The following CWC27 variants were observed in gnomAD, a reference collection of about 807,000 sequenced individuals.
The protein encoded by CWC27 is spliceosome-associated protein CWC27 homolog.
CWC27 carries 47 observed loss-of-function variants against 63.6 expected under a neutral mutation model. That is an observed-to-expected ratio of 0.74 (90% CI 0.58 to 0.94). The LOEUF is 0.94. CWC27 is among the 40% of genes least tolerant of loss of function. CWC27 has a pLI of 0.00. For synonymous variants in CWC27, 175 were observed against 179.8 expected, an observed-to-expected ratio of 0.97 and a Z score of 0.22; for missense variants, 495 against 554.3, an observed-to-expected ratio of 0.89 and a Z score of 1.07.
chr5:64,792,573 A>G (rs1248357503), intron 7 of CWC27, among the ~76,000 whole-genome samples: 1 of 152,126 alleles, frequency 6.6e-6, no homozygotes, highest in Non-Finnish European at 1.5e-5. Context: ...TTCTTGTAAT[A>G]CTGTACATTT....
At chr5:64,999,403 T>C (rs1255889650) in intron 13 of CWC27, among the ~76,000 whole-genome samples, 1 of 152,086 alleles carries the variant, frequency 6.6e-6, no homozygotes, top group African/African-American at 2.4e-5. Context: ...TTTTTAACCA[T>C]AGTCACCCTA....
At chr5:64,967,490 CAA>C (rs956308766) in intron 11 of CWC27, among the ~76,000 whole-genome samples, 8 of 151,946 alleles carry the variant, frequency 5.3e-5, no homozygotes, top group Admixed American at 1.3e-4. Context: ...AAAAAGAAGA[CAA>C]AGTTAGAGGG....
chr5:64,852,844 T>A (rs968996957), intron 10 of CWC27, among the ~76,000 whole-genome samples: 1 of 151,704 alleles, frequency 6.6e-6, no homozygotes, highest in Non-Finnish European at 1.5e-5. Flanking sequence ...AACCCAAACA[T>A]AAATAATTTG....
chr5:64,863,407 G>A (rs1214093751), intron 10 of CWC27, among the ~76,000 whole-genome samples: 2 of 151,476 alleles, frequency 1.3e-5, no homozygotes, highest in East Asian at 1.9e-4. Context: ...CTCCTCCTCT[G>A]TTCTCCCCTA....
chr5:64,786,705 G>A (rs889148423), intron 6 of CWC27, 78 bp downstream of exon 6: 1 of 861,892 alleles, frequency 1.2e-6, no homozygotes. Context: ...TCCTTTTATA[G>A]TAATTGTTTA....
chr5:64,933,924 A>T (rs1748292020), intron 11 of CWC27, among the ~76,000 whole-genome samples: 1 of 152,220 alleles, frequency 6.6e-6, no homozygotes, highest in African/African-American at 2.4e-5. Flanking sequence ...CTGTTAAGTA[A>T]TTTACAAAGT....
intron 13 of CWC27, among the ~76,000 whole-genome samples, chr5:64,993,075 C>T (rs142437936): frequency 6.0e-4 from 91 of 152,190 alleles, no homozygotes; most frequent in Non-Finnish European, 1.0e-3. Context: ...AATTTCTTCA[C>T]CTGTAGAGTA....
Position 64,824,780 on chromosome 5 carries a change from T to C in CWC27, c.938+20394T>C, listed in dbSNP as rs545449061. ...TGGAGTCTCACTCCGTCGCCCAGGCTGGAGTGCAGTGGTGCGACCTCGGCT... is the reference window on the plus strand; with the variant it reads ...TGGAGTCTCACTCCGTCGCCCAGGCCGGAGTGCAGTGGTGCGACCTCGGCT... On this transcript the variant is annotated intron_variant, in intron 10 of 13. Transcript: ENST00000381070. 1.5e-3 allele frequency among the ~76,000 whole-genome samples: 206 copies of C among 139,702 alleles called. 1 individual carries two copies. Among genetic ancestry groups the C allele is most frequent in the African/African-American group, 5.1e-3 (188 of 36,544 alleles). 91.6% of individuals were successfully genotyped at this position (139,702 alleles called of 152,430 possible). A position where few individuals can be genotyped will look rare whatever the true frequency, so the allele number is the denominator to read the frequency against.
At chr5:64,954,444 A>G (rs930829451) in intron 11 of CWC27, among the ~76,000 whole-genome samples, 3 of 151,938 alleles carry the variant, frequency 2.0e-5, no homozygotes, top group Admixed American at 6.6e-5. Flanking sequence ...ATATGCCACT[A>G]TGCCAGGCTA....
At chr5:64,920,519 AT>A (rs1747977036) in intron 11 of CWC27, among the ~76,000 whole-genome samples, 1 of 152,080 alleles carries the variant, frequency 6.6e-6, no homozygotes, top group African/African-American at 2.4e-5. Flanking sequence ...CCGTCCCTCA[AT>A]TTTTGGAAAA....
intron 10 of CWC27, among the ~76,000 whole-genome samples, chr5:64,805,229 T>G (rs989217139): frequency 2.6e-5 from 4 of 151,788 alleles, no homozygotes; most frequent in African/African-American, 9.7e-5. Flanking sequence ...TAAAAATGAT[T>G]CCCAGAAATT....
intron 11 of CWC27, among the ~76,000 whole-genome samples, chr5:64,934,165 C>T (rs1052898412): frequency 3.9e-5 from 6 of 152,144 alleles, no homozygotes; most frequent in African/African-American, 1.4e-4. Flanking sequence ...AGGTTTGTTA[C>T]ATAGGTATAC....
intron 11 of CWC27, among the ~76,000 whole-genome samples, chr5:64,921,068 G>A (rs956771546): frequency 6.6e-6 from 1 of 151,944 alleles, no homozygotes; most frequent in Admixed American, 6.6e-5. Flanking sequence ...ACTTCTTGTT[G>A]TAGCTGTTTA....
intron 10 of CWC27, among the ~76,000 whole-genome samples, chr5:64,827,856 A>G (rs1745405232): frequency 6.6e-6 from 1 of 152,174 alleles, no homozygotes; most frequent in South Asian, 2.1e-4. Flanking sequence ...TTTAAATTGC[A>G]TGCTGTTCTG....
chr5:64,814,189 C>T (rs1180023009), intron 10 of CWC27, among the ~76,000 whole-genome samples: 3 of 151,826 alleles, frequency 2.0e-5, no homozygotes, highest in Admixed American at 6.6e-5. Context: ...AAAGATTGGA[C>T]ACCCCTGCAA....
At chr5:64,810,125 G>A (rs1216009740) in intron 10 of CWC27, among the ~76,000 whole-genome samples, 1 of 151,998 alleles carries the variant, frequency 6.6e-6, no homozygotes, top group Non-Finnish European at 1.5e-5. Flanking sequence ...TGAATATCCA[G>A]TTTTCCCAAC....
Position 64,990,326 on chromosome 5 carries a change from G to A in CWC27, c.1256+13088G>A, listed in dbSNP as rs1345398525. ...ATCACCCAGGCTGGAGTGCAGTGGC[G>A]GGATCTCGGCTCACTGCAAGCTCCG... On this transcript the variant is annotated intron_variant, in intron 13 of 13. Coordinates refer to ENST00000381070, the MANE Select transcript of CWC27 (RefSeq NM_005869.4). Among the ~76,000 whole-genome samples the A allele has an allele frequency of 3.5e-4, 16 of 45,344 alleles. 3 individuals are homozygous for A. Among genetic ancestry groups the A allele is most frequent in the Admixed American group, 1.9e-3 (9 of 4,852 alleles). 29.7% of individuals were successfully genotyped at this position (45,344 alleles called of 152,430 possible). A position where few individuals can be genotyped will look rare whatever the true frequency, so the allele number is the denominator to read the frequency against.
intron 12 of CWC27, among the ~76,000 whole-genome samples, chr5:64,973,971 A>T (rs1749173842): frequency 6.6e-6 from 1 of 151,700 alleles, no homozygotes; most frequent in Non-Finnish European, 1.5e-5. Flanking sequence ...ATGGTGAGTC[A>T]CTCTTGTAAT....
intron 11 of CWC27, among the ~76,000 whole-genome samples, chr5:64,953,942 A>T (rs972763772): frequency 6.6e-6 from 1 of 152,080 alleles, no homozygotes; most frequent in Non-Finnish European, 1.5e-5. Context: ...CCATCTTCCC[A>T]CTCACTCTTT....
Sources: gnomAD v4.1 joint callset for allele counts (sites outside exome capture counted in the v4.1 genomes callset) on GRCh38, gnomAD v4.1.1 for gene constraint, MANE v1.5 for transcripts, NCBI Gene and HGNC (gene_info 2026-07-23, HGNC 2026-07-21) for gene names.